Variants in KSR2 observed in about 807,000 individuals in gnomAD.
The protein encoded by KSR2 is kinase suppressor of ras 2.
KSR2 carries 25 observed loss-of-function variants against 107.8 expected under a neutral mutation model. The ratio of observed to expected loss-of-function variants is 0.23; its 90% CI spans 0.17 to 0.32. The LOEUF (loss-of-function observed/expected upper bound fraction) is 0.32. Ranked by LOEUF, KSR2 falls within the 10% of genes least tolerant of loss-of-function variation. The pLI, the probability that KSR2 is intolerant of heterozygous loss-of-function variation, is 1.00. For synonymous variants in KSR2, 480 were observed against 507.0 expected (o/e 0.95, Z 0.71); for missense variants, 887 against 1,268.9 (o/e 0.70, Z 4.57).
intron 4 of KSR2, among the ~76,000 whole-genome samples, chr12:117,685,219 G>A (rs563704517): frequency 6.6e-6 from 1 of 152,192 alleles, no homozygotes; most frequent in African/African-American, 2.4e-5. Flanking sequence ...GTCCAGGCCC[G>A]TTGATTTTCC....
intron 1 of KSR2, among the ~76,000 whole-genome samples, chr12:117,961,271 A>T (rs1896650124): frequency 6.6e-6 from 1 of 151,772 alleles, no homozygotes; most frequent in South Asian, 2.1e-4. Flanking sequence ...TGCACCAATG[A>T]TAATGCTGCA....
chr12:117,848,773 A>ATGATGGTGGTGGGTGG (rs1892790579), intron 3 of KSR2, among the ~76,000 whole-genome samples: 1 of 132,266 alleles, frequency 7.6e-6, no homozygotes, highest in Non-Finnish European at 1.7e-5. Flanking sequence ...GATGGTGGTA[A>ATGATGGTGGTGGGTGG]TGATGGTGGT....
intron 5 of KSR2, among the ~76,000 whole-genome samples, chr12:117,663,599 G>A (rs1258789156): frequency 6.6e-6 from 1 of 152,164 alleles, no homozygotes; most frequent in African/African-American, 2.4e-5. Flanking sequence ...ATTTCTCATT[G>A]TATCCTCACT....
intron 4 of KSR2, among the ~76,000 whole-genome samples, chr12:117,758,772 A>C (rs1302101887): frequency 6.6e-6 from 1 of 152,206 alleles, no homozygotes; most frequent in African/African-American, 2.4e-5. Context: ...TCCATCTTGC[A>C]GATTAGAAGA....
In KSR2 at chr12:117,867,892, C is replaced by T. The variant is rs140301059; in HGVS notation, c.181-7461G>A. Among the ~76,000 whole-genome samples, 522 of 152,316 alleles carry T rather than the reference C, an allele frequency of 3.4e-3. 5 individuals are homozygous for T. The highest frequency in any genetic ancestry group is 0.012 in the African/African-American group (505 of 41,574). On this transcript the variant is annotated intron_variant, in intron 1 of 19. Coordinates refer to ENST00000339824, the MANE Select transcript of KSR2 (RefSeq NM_173598.6). Reference sequence around the variant, plus strand: ...GCTAACTGATACACCACCACATCAACGCATGAAAATCTGAATTTTTCTCCA... The same window carrying T: ...GCTAACTGATACACCACCACATCAATGCATGAAAATCTGAATTTTTCTCCA...
At chr12:117,904,030 G>C (rs1894767321) in intron 1 of KSR2, among the ~76,000 whole-genome samples, 1 of 151,928 alleles carries the variant, frequency 6.6e-6, no homozygotes, top group Non-Finnish European at 1.5e-5. Context: ...TCTTTGAATG[G>C]CTTGGTCAAA....
intron 9 of KSR2, among the ~76,000 whole-genome samples, chr12:117,540,660 A>G (rs755356004): frequency 6.6e-6 from 1 of 152,238 alleles, no homozygotes; most frequent in African/African-American, 2.4e-5. Flanking sequence ...AAATCCAATG[A>G]CAGACATATG....
intron 3 of KSR2, among the ~76,000 whole-genome samples, chr12:117,813,882 A>G (rs1891284863): frequency 6.6e-6 from 1 of 152,244 alleles, no homozygotes. Context: ...CAAGTGTCCA[A>G]GAAGAGATGA....
intron 3 of KSR2, among the ~76,000 whole-genome samples, chr12:117,802,996 C>T (rs930599466): frequency 1.3e-5 from 2 of 152,142 alleles, no homozygotes; most frequent in African/African-American, 2.4e-5. Flanking sequence ...GATAAATTGC[C>T]CATGCATTGT....
chr12:117,503,736 A>G (rs1424077490), intron 14 of KSR2, among the ~76,000 whole-genome samples: 1 of 152,228 alleles, frequency 6.6e-6, no homozygotes, highest in Non-Finnish European at 1.5e-5. Flanking sequence ...AAGAGGTTGG[A>G]TCATTAAAAG....
At position 117,761,463 on chromosome 12, in the gene KSR2, C is replaced by T; in HGVS notation, c.534G>A (p.Glu178=). 1 of 1,613,142 alleles carries T rather than the reference C, an allele frequency of 6.2e-7. No homozygotes were observed. Among genetic ancestry groups the T allele is most frequent in the Non-Finnish European group, 8.5e-7 (1 of 1,179,650 alleles). The part of the protein sequence containing the change: ...IQWPTTETGK[E]NNPVCPPEPT... ...GCTCCGGGGGGCACACGGGATTGTT[C>T]TCCTTCCCCGTCTCTGTCGTGGGCC... The change falls in exon 4 of 20, where the codon GAG becomes GAA. Residue 178 remains glutamate (E), a synonymous_variant. Coordinates refer to ENST00000339824, the MANE Select transcript of KSR2 (RefSeq NM_173598.6).
chr12:117,934,774 T>C (rs1385869146), intron 1 of KSR2, among the ~76,000 whole-genome samples: 1 of 152,170 alleles, frequency 6.6e-6, no homozygotes, highest in Non-Finnish European at 1.5e-5. Context: ...AATCCAACCA[T>C]GGCTCACCGG....
chr12:117,880,071 G>A (rs536360144), intron 1 of KSR2, among the ~76,000 whole-genome samples: 1 of 151,172 alleles, frequency 6.6e-6, no homozygotes, highest in Non-Finnish European at 1.5e-5. Context: ...GCTTGAACCT[G>A]GGAGGCGGAG....
rs947404709 is a variant in KSR2, at chr12:117,455,750, C to A, written c.*11449G>T. ...GCTGGGGACATGAGCCTTTGAAATA[C>A]AAGCAAAATTTTCTTAGAATCCTTC... On this transcript the variant is annotated 3_prime_UTR_variant, in exon 20 of 20. Coordinates refer to ENST00000339824, the MANE Select transcript of KSR2 (RefSeq NM_173598.6). 3 of 152,252 alleles carry A rather than the reference C, an allele frequency of 2.0e-5. No individual in the cohort carries two copies. Among genetic ancestry groups the A allele is most frequent in the African/African-American group, 7.2e-5 (3 of 41,454 alleles). 9.4% of individuals were successfully genotyped at this position (152,252 alleles called of 1,614,324 possible). A position where few individuals can be genotyped will look rare whatever the true frequency, so the allele number is the denominator to read the frequency against.
intron 1 of KSR2, among the ~76,000 whole-genome samples, chr12:117,915,355 T>A (rs1355835165): frequency 1.3e-5 from 2 of 152,198 alleles, no homozygotes; most frequent in Non-Finnish European, 2.9e-5. Flanking sequence ...GGCTCCACCC[T>A]CATGACCTAA....
chr12:117,513,400 G>A (rs1405626528), intron 14 of KSR2, among the ~76,000 whole-genome samples: 1 of 152,210 alleles, frequency 6.6e-6, no homozygotes, highest in East Asian at 1.9e-4. Flanking sequence ...AGCAACTGGA[G>A]CCAGGTTGGG....
intron 16 of KSR2, among the ~76,000 whole-genome samples, chr12:117,477,653 A>G (rs1871871606): frequency 6.6e-6 from 1 of 152,238 alleles, no homozygotes; most frequent in African/African-American, 2.4e-5. Flanking sequence ...AACAAGGAGA[A>G]TATCTAGACA....
At chr12:117,488,629 A>C (rs1310184762) in intron 14 of KSR2, among the ~76,000 whole-genome samples, 1 of 152,148 alleles carries the variant, frequency 6.6e-6, no homozygotes. Flanking sequence ...CCCTCCCCAG[A>C]ATCTGCCCAT....
Position 117,761,199 on chromosome 12 carries a change from G to A in KSR2, c.798C>T (p.Asn266=). The A allele has an allele frequency of 6.3e-7, 1 of 1,584,176 alleles. No individual in the cohort carries two copies. The highest frequency in any genetic ancestry group is 8.6e-7 in the Non-Finnish European group (1 of 1,164,056). ...HAVRTPPRTP[N]IVTTVTPPGT... ...CCGGCGGGGTCACGGTGGTGACGAT[G>A]TTGGGGGTGCGCGGCGGGGTGCGGA... Residue 266 remains asparagine, a synonymous_variant, in exon 4 of 20, where the codon AAC becomes AAT. Transcript: ENST00000339824.
Sources: allele counts gnomAD v4.1 joint callset (sites outside exome capture counted in the v4.1 genomes callset), GRCh38; gene constraint gnomAD v4.1.1; transcripts MANE v1.5; gene names NCBI Gene and HGNC (gene_info 2026-07-23, HGNC 2026-07-21).